LRRTM4: variants seen among roughly 807,000 people sequenced by gnomAD.
LRRTM4 encodes leucine rich repeat transmembrane neuronal 4.
Under a neutral mutation model 47.6 loss-of-function variants are expected in LRRTM4, and 25 were observed. The ratio of observed to expected loss-of-function variants is 0.53; its 90% CI spans 0.38 to 0.73. LRRTM4 has a LOEUF of 0.73. Ranked by LOEUF, LRRTM4 falls within the 30% of genes least tolerant of loss-of-function variation. The pLI is 0.00. For synonymous variants in LRRTM4, 311 were observed against 269.5 expected, an observed-to-expected ratio of 1.15 and a Z score of -1.51; for missense variants, 638 against 713.4, an observed-to-expected ratio of 0.89 and a Z score of 1.20.
At chr2:77,373,110 C>T (rs10198340) in intron 3 of LRRTM4, among the ~76,000 whole-genome samples, 3,048 of 129,204 alleles carry the variant, frequency 0.024, 115 homozygotes, top group African/African-American at 0.082. Context: ...TATATATATA[C>T]GCACACACAT....
intron 3 of LRRTM4, among the ~76,000 whole-genome samples, chr2:77,154,126 A>T (rs1208576439): frequency 6.6e-6 from 1 of 152,164 alleles, no homozygotes; most frequent in Non-Finnish European, 1.5e-5. Flanking sequence ...GGCTTTGCGG[A>T]TGCTTGAATT....
intron 3 of LRRTM4, among the ~76,000 whole-genome samples, chr2:77,098,447 C>A (rs1461629425): frequency 1.3e-5 from 2 of 151,840 alleles, no homozygotes; most frequent in Admixed American, 1.3e-4. Context: ...AAAGGCAATC[C>A]TCATAAGAAA....
At chr2:76,870,455 G>C (rs1553422743) in intron 3 of LRRTM4, among the ~76,000 whole-genome samples, 1 of 151,362 alleles carries the variant, frequency 6.6e-6, no homozygotes, top group Non-Finnish European at 1.5e-5. Context: ...AATACTGGGG[G>C]AAAAAAGGAA....
chr2:77,356,453 T>G (rs1204805389), intron 3 of LRRTM4, among the ~76,000 whole-genome samples: 1 of 152,100 alleles, frequency 6.6e-6, no homozygotes, highest in African/African-American at 2.4e-5. Context: ...ACTCTGAAAT[T>G]GACCTCAGAG....
intron 3 of LRRTM4, among the ~76,000 whole-genome samples, chr2:76,972,218 G>A (rs575012433): frequency 6.6e-6 from 1 of 151,948 alleles, no homozygotes; most frequent in East Asian, 2.0e-4. Flanking sequence ...CCAATTAGGT[G>A]AGAGAGGACT....
At chr2:77,359,265 T>C (rs1338998830) in intron 3 of LRRTM4, among the ~76,000 whole-genome samples, 1 of 152,124 alleles carries the variant, frequency 6.6e-6, no homozygotes, top group Non-Finnish European at 1.5e-5. Flanking sequence ...GTTGCGTGTT[T>C]TAAAGCAGAG....
intron 3 of LRRTM4, among the ~76,000 whole-genome samples, chr2:77,406,756 G>C (rs1369998392): frequency 6.6e-6 from 1 of 152,036 alleles, no homozygotes; most frequent in Admixed American, 6.6e-5. Context: ...TGTGATGAGA[G>C]ATTACTTTCA....
At chr2:76,887,315 A>C (rs1255363913) in intron 3 of LRRTM4, among the ~76,000 whole-genome samples, 7 of 151,542 alleles carry the variant, frequency 4.6e-5, no homozygotes, top group Non-Finnish European at 3.0e-5. Flanking sequence ...AAATTTGTAA[A>C]GCAACCTTTA....
intron 3 of LRRTM4, among the ~76,000 whole-genome samples, chr2:77,139,981 C>T (rs914279677): frequency 6.6e-6 from 1 of 151,868 alleles, no homozygotes; most frequent in Admixed American, 6.6e-5. Flanking sequence ...AAGAGGACCC[C>T]AAAAAATCGA....
intron 3 of LRRTM4, among the ~76,000 whole-genome samples, chr2:76,908,613 T>C (rs1373083474): frequency 1.3e-5 from 2 of 152,068 alleles, no homozygotes; most frequent in Non-Finnish European, 2.9e-5. Flanking sequence ...CAGCCCAAAA[T>C]CTCCTTAAGC....
In LRRTM4 at chr2:76,771,833, C is replaced by T. The variant is rs1382104982; in HGVS notation, c.1552-22917G>A. 2.6e-5 allele frequency among the ~76,000 whole-genome samples: 4 copies of T among 152,144 alleles called. No homozygotes were observed. The Middle Eastern group carries it at 0.01, about 388-fold the overall frequency. On this transcript the variant is annotated intron_variant, in intron 3 of 3. Coordinates refer to ENST00000409884, the MANE Select transcript of LRRTM4 (RefSeq NM_001134745.3). ...TCAACAGCCCCTTCAACCAACCTCA[C>T]ATCCTGGAGGACTCTAACTCTATGT...
intron 3 of LRRTM4, among the ~76,000 whole-genome samples, chr2:77,108,578 C>CTT (rs200805423): frequency 0.052 from 7,397 of 142,326 alleles, 390 homozygotes; most frequent in African/African-American, 0.16. Context: ...CACAAACATT[C>CTT]TTTTTTTTTT....
intron 3 of LRRTM4, among the ~76,000 whole-genome samples, chr2:77,505,158 G>A (rs1678720697): frequency 6.6e-6 from 1 of 150,710 alleles, no homozygotes; most frequent in African/African-American, 2.4e-5. Flanking sequence ...AGAATATAAT[G>A]AAAGAACAAC....
At chr2:76,899,876 T>C (rs1573280090) in intron 3 of LRRTM4, among the ~76,000 whole-genome samples, 2 of 152,280 alleles carry the variant, frequency 1.3e-5, no homozygotes, top group Middle Eastern at 6.8e-3. Context: ...CACACAACAT[T>C]GCCTTTTGCA....
rs940982905 is a variant in LRRTM4, at chr2:77,117,528, C to T, written c.1552-368612G>A. Among the ~76,000 whole-genome samples the T allele has an allele frequency of 3.3e-5, 5 of 151,124 alleles. No homozygotes were observed. In the South Asian group the frequency reaches 6.2e-4, roughly 19 times the overall value. On this transcript the variant is annotated intron_variant, in intron 3 of 3. Coordinates refer to ENST00000409884, the MANE Select transcript of LRRTM4 (RefSeq NM_001134745.3). ...TGTTTCTTACTTTTCTTTTTTTTCC[C>T]CAAAACCTATCTGCTCCATATGGGC...
intron 3 of LRRTM4, among the ~76,000 whole-genome samples, chr2:76,867,100 G>T (rs1672490225): frequency 6.6e-6 from 1 of 152,018 alleles, no homozygotes; most frequent in South Asian, 2.1e-4. Context: ...AGAACATTAG[G>T]ACAAATACCT....
chr2:76,832,045 G>A (rs1365233649), intron 3 of LRRTM4, among the ~76,000 whole-genome samples: 1 of 151,998 alleles, frequency 6.6e-6, no homozygotes, highest in African/African-American at 2.4e-5. Flanking sequence ...CGGATACACT[G>A]GAAACCCATG....
intron 3 of LRRTM4, among the ~76,000 whole-genome samples, chr2:77,469,703 C>T (rs1677111242): frequency 6.7e-6 from 1 of 150,256 alleles, no homozygotes; most frequent in Non-Finnish European, 1.5e-5. Context: ...TTTTTTTTAT[C>T]TGTATAGCAT....
chr2:77,423,990 T>A (rs1047410930), intron 3 of LRRTM4, among the ~76,000 whole-genome samples: 28 of 152,242 alleles, frequency 1.8e-4, no homozygotes, highest in Admixed American at 1.0e-3. Context: ...TTAGAATAAT[T>A]TTTTATCTTT....
Sources: gnomAD v4.1 joint callset for allele counts (sites outside exome capture counted in the v4.1 genomes callset) on GRCh38, gnomAD v4.1.1 for gene constraint, MANE v1.5 for transcripts, NCBI Gene and HGNC (gene_info 2026-07-23, HGNC 2026-07-21) for gene names.